The following FBXO24 variants were observed in gnomAD, a reference collection of about 807,000 sequenced individuals.
FBXO24 encodes F-box protein 24.
Under a neutral mutation model 63.5 loss-of-function variants are expected in FBXO24, and 30 were observed. The observed-to-expected ratio is 0.47, with a 90% CI of 0.35 to 0.64. FBXO24 has a LOEUF of 0.64. Ranked by LOEUF, FBXO24 falls within the 30% of genes least tolerant of loss-of-function variation. The pLI, the probability that FBXO24 is intolerant of heterozygous loss-of-function variation, is 0.00. For missense variants in FBXO24, 624 were observed against 763.4 expected (o/e 0.82, Z 2.15); for synonymous variants, 300 against 305.0 (o/e 0.98, Z 0.17).
rs190711697 is a variant in FBXO24 at position 100,586,412 on chromosome 7, G to A, written c.-214G>A. On this transcript the variant is annotated 5_prime_UTR_variant, in exon 1 of 10. Coordinates refer to ENST00000241071, the MANE Select transcript of FBXO24 (RefSeq NM_033506.3). Reference sequence around the variant, plus strand: ...CACAATGCTCAGATCGGGAGGTGGAGCCAATCAGGTCCAACCAAGAGGAGG... The same window carrying A: ...CACAATGCTCAGATCGGGAGGTGGAACCAATCAGGTCCAACCAAGAGGAGG... 2.2e-5 allele frequency: 14 copies of A among 639,172 alleles called. No individual in the cohort carries two copies. The highest frequency in any genetic ancestry group is 5.5e-5 in the East Asian group (2 of 36,662). The allele number at this position is 639,172 out of a possible 1,614,324, so 39.6% of individuals were successfully genotyped here.
chr7:100,589,012 T>A (rs954924762), intron 1 of FBXO24, among the ~76,000 whole-genome samples: 3 of 151,206 alleles, frequency 2.0e-5, no homozygotes, highest in African/African-American at 7.4e-5. Context: ...TTTTTTTTTT[T>A]AATAGACGCA....
Position 100,586,549 on chromosome 7 carries a change from C to T in FBXO24, c.-77C>T. ...AAGCCAGATACAGGCGAGTGACTGT[C>T]AAGAAGGCCAATTAGAGCCTCCGAA... On this transcript the variant is annotated 5_prime_UTR_variant, in exon 1 of 10. Transcript: ENST00000241071. 5 of 1,489,728 alleles carry T rather than the reference C, an allele frequency of 3.4e-6. No homozygotes were observed. Among genetic ancestry groups the T allele is most frequent in the Non-Finnish European group, 4.7e-6 (5 of 1,068,752 alleles). 92.3% of individuals were successfully genotyped at this position (1,489,728 alleles called of 1,614,324 possible). A position where few individuals can be genotyped will look rare whatever the true frequency, so the allele number is the denominator to read the frequency against.
Position 100,599,372 on chromosome 7 carries a change from G to GAGACC in FBXO24, c.1207-656_1207-652dup, listed in dbSNP as rs1242982740. ...GCAGATCACCTGAGGTCAGGAGTTC[G>GAGACC]AGACCAGCCTGGTCAACATGGCAAA... On this transcript the variant is annotated intron_variant, in intron 8 of 9. Transcript: ENST00000241071. Among the ~76,000 whole-genome samples, 5 of 152,138 alleles carry GAGACC rather than the reference G, an allele frequency of 3.3e-5. No individual in the cohort carries two copies. The East Asian group carries it at 9.7e-4, about 29-fold the overall frequency.
intron 1 of FBXO24, among the ~76,000 whole-genome samples, chr7:100,588,311 C>T (rs1263261185): frequency 6.6e-6 from 1 of 152,224 alleles, no homozygotes; most frequent in Admixed American, 6.5e-5. Context: ...TTCTAAGTGG[C>T]ATGAGTCCCT....
chr7:100,600,690 C>A lies in FBXO24; in HGVS notation c.1534C>A (p.Pro512Thr). The A allele has an allele frequency of 3.1e-6, 5 of 1,614,140 alleles. No individual in the cohort carries two copies. The highest frequency in any genetic ancestry group is 4.2e-6 in the Non-Finnish European group (5 of 1,179,994). The change falls in exon 10 of 10, where the codon CCC becomes ACC. Residue 512 changes from proline to threonine, a missense_variant. Around this residue, in one of 3 missense-constraint regions of FBXO24, gnomAD observed 216 missense variants for 245.2 expected, o/e 0.88. Coordinates refer to ENST00000241071, the MANE Select transcript of FBXO24 (RefSeq NM_033506.3). This position sits in a 1 kb window ranked among gnomAD's most constrained non-coding sequence, Gnocchi z 6.3. Reference protein sequence around the residue: ...PSLGARAPQDPGGMAQACEEY... With the variant: ...PSLGARAPQDTGGMAQACEEY... ...CCTGGGGGCCAGAGCACCCCAGGACCCCGGGGGGATGGCCCAGGCCTGCGA... is the reference window on the plus strand; with the variant it reads ...CCTGGGGGCCAGAGCACCCCAGGACACCGGGGGGATGGCCCAGGCCTGCGA...
intron 8 of FBXO24, among the ~76,000 whole-genome samples, chr7:100,598,084 A>G (rs1257587585): frequency 6.6e-6 from 1 of 151,900 alleles, no homozygotes; most frequent in Admixed American, 6.6e-5. Flanking sequence ...GACATCTGTA[A>G]TCCCAACTAC....
intron 1 of FBXO24, chr7:100,589,515 T>G: frequency 2.2e-6 from 3 of 1,353,112 alleles, no homozygotes; most frequent in Non-Finnish European, 1.9e-6. Flanking sequence ...TGGGCAAGAT[T>G]AAAGGGAACA....
Position 100,586,461 on chromosome 7 carries a change from GA to G in FBXO24, c.-161del. On this transcript the variant is annotated 5_prime_UTR_variant, in exon 1 of 10. An upstream open reading frame in the 5' UTR loses its in-frame stop. Coordinates refer to ENST00000241071, the MANE Select transcript of FBXO24 (RefSeq NM_033506.3). ...GGGGACACCGGCACTCCACTAGCAG[GA>G]AAACGGGCCGAGGGACCGCAAGCAG... 2 of 733,148 alleles carry G rather than the reference GA, an allele frequency of 2.7e-6. No individual in the cohort carries two copies. The highest frequency in any genetic ancestry group is 4.7e-6 in the Non-Finnish European group (2 of 427,866). The allele number at this position is 733,148 out of a possible 1,614,324, so 45.4% of individuals were successfully genotyped here.
Position 100,595,568 on chromosome 7 carries a change from A to C in FBXO24, c.1075-7A>C. The C allele has an allele frequency of 6.3e-7, 1 of 1,585,594 alleles. No individual in the cohort carries two copies. Among genetic ancestry groups the C allele is most frequent in the Non-Finnish European group, 8.6e-7 (1 of 1,162,830 alleles). ...AATCCCTATCCCCTTTCTATCTTGC[A>C]CGCTAGATCCTATTCTGTGCTCTTG... On this transcript the variant is annotated splice_region_variant and splice_polypyrimidine_tract_variant and intron_variant, in intron 7 of 9. Coordinates refer to ENST00000241071, the MANE Select transcript of FBXO24 (RefSeq NM_033506.3).
chr7:100,587,213 T>C (rs1801800768), intron 1 of FBXO24, among the ~76,000 whole-genome samples: 1 of 152,174 alleles, frequency 6.6e-6, no homozygotes, highest in Non-Finnish European at 1.5e-5. Context: ...CGCACAGCCC[T>C]TTCCCGCTCC....
intron 3 of FBXO24, among the ~76,000 whole-genome samples, chr7:100,591,045 T>TG (rs1207695252): frequency 6.9e-6 from 1 of 144,750 alleles, no homozygotes; most frequent in Non-Finnish European, 1.5e-5. Context: ...TTTTTTTTTT[T>TG]TTTTTTTTTT....
chr7:100,598,451 A>G (rs1208126106), intron 8 of FBXO24, among the ~76,000 whole-genome samples: 3 of 152,292 alleles, frequency 2.0e-5, no homozygotes, highest in East Asian at 1.9e-4. Flanking sequence ...TGAGAGGCCA[A>G]GTGCCTCTAG....
intron 8 of FBXO24, among the ~76,000 whole-genome samples, chr7:100,596,739 G>A (rs1374018069): frequency 1.3e-5 from 2 of 152,074 alleles, no homozygotes; most frequent in Non-Finnish European, 2.9e-5. Flanking sequence ...GTAGAAGAGA[G>A]GGGTATAAGA....
intron 1 of FBXO24, 179 bp from the exon 2 acceptor site, chr7:100,589,798 G>C: frequency 6.6e-7 from 1 of 1,523,574 alleles, no homozygotes; most frequent in South Asian, 1.2e-5. Context: ...CTCCGGGTGA[G>C]GGGGATTGGC....
In FBXO24 at chr7:100,591,722, G is replaced by A. The variant is rs1469689648; in HGVS notation, c.378G>A (p.Lys126=). ...AFGGRRRCLS[K]SVAPLLAHGY... Reference sequence around the variant, plus strand: ...GAGGCCGCCGCCGATGTCTCAGCAAGAGCGTGGCCCCCTTGCTAGCCCACG... The same window carrying A: ...GAGGCCGCCGCCGATGTCTCAGCAAAAGCGTGGCCCCCTTGCTAGCCCACG... Residue 126 remains lysine, a synonymous_variant, in exon 4 of 10, where the codon AAG becomes AAA. Coordinates refer to ENST00000241071, the MANE Select transcript of FBXO24 (RefSeq NM_033506.3). 6.2e-7 allele frequency: 1 copy of A among 1,614,250 alleles called. No individual in the cohort carries two copies. Among genetic ancestry groups the A allele is most frequent in the Non-Finnish European group, 8.5e-7 (1 of 1,180,046 alleles).
rs1236194155 is a variant in FBXO24, at chr7:100,595,177, AC to A, written c.1033del (p.Leu345TrpfsTer45). The A allele has an allele frequency of 6.2e-7, 1 of 1,613,432 alleles. No individual in the cohort carries two copies. Reference sequence around the variant, plus strand: ...CTCTTTGGGACCCTTCAAGCCTTTGACCCCCTGGACCAGCAGATGCCGCTTG... The same window carrying A: ...CTCTTTGGGACCCTTCAAGCCTTTGACCCCTGGACCAGCAGATGCCGCTTG... Reference protein sequence around the residue: ...RDLFGTLQAFDPLDQQMPLAL... With the variant: ...RDLFGTLQAFXPLDQQMPLAL... On this transcript the variant is annotated frameshift_variant, in exon 7 of 10. Transcript: ENST00000241071. LOFTEE classifies it high-confidence loss of function.
chr7:100,599,805 G>A, intron 8 of FBXO24: 1 of 544,656 alleles, frequency 1.8e-6, no homozygotes, highest in East Asian at 3.3e-5. Context: ...CTGATTTTCT[G>A]GGGGCATAGA....
rs1802516776 is a variant in FBXO24 at position 100,600,123 on chromosome 7, G to C, written c.1299G>C (p.Leu433=). The change falls in exon 9 of 10, where the codon CTG becomes CTC. Residue 433 remains leucine, a synonymous_variant. Coordinates refer to ENST00000241071, the MANE Select transcript of FBXO24 (RefSeq NM_033506.3). The surrounding 1 kb of genome is among the most constrained non-coding windows in gnomAD (Gnocchi z 6.3). ...SQSSEFSKEL[L]GCGCGAGGRL... ...GCTCAGAGTTCAGCAAGGAGCTGCT[G>C]GGCTGCGGCTGTGGGGCTGGGGGCC... is the stretch of plus-strand genomic sequence containing the variant. 6.2e-7 allele frequency: 1 copy of C among 1,604,530 alleles called. No individual in the cohort carries two copies. Among genetic ancestry groups the C allele is most frequent in the Non-Finnish European group, 8.5e-7 (1 of 1,176,532 alleles).
At position 100,597,893 on chromosome 7, in the gene FBXO24, GT is replaced by G. The variant is rs556578958; in HGVS notation, c.1207-2124del. Among the ~76,000 whole-genome samples, 166 of 134,780 alleles carry G rather than the reference GT, an allele frequency of 1.2e-3. 1 individual carries two copies. The highest frequency in any genetic ancestry group is 2.8e-3 in the Admixed American group (37 of 13,310). 88.4% of individuals were successfully genotyped at this position (134,780 alleles called of 152,430 possible). A position where few individuals can be genotyped will look rare whatever the true frequency, so the allele number is the denominator to read the frequency against. On this transcript the variant is annotated intron_variant, in intron 8 of 9. Coordinates refer to ENST00000241071, the MANE Select transcript of FBXO24 (RefSeq NM_033506.3). Reference sequence around the variant, plus strand: ...AGTTTTTGTTTTTTTTGTTTTTTTTGTTTTTTTTTTTTTTAGAGACAGGGTC... The same window carrying G: ...AGTTTTTGTTTTTTTTGTTTTTTTTGTTTTTTTTTTTTTAGAGACAGGGTC...
Sources: allele counts gnomAD v4.1 joint callset (sites outside exome capture counted in the v4.1 genomes callset), GRCh38; gene constraint gnomAD v4.1.1; regional missense constraint gnomAD v4.1.1; non-coding constraint Gnocchi (gnomAD v3.1); transcripts MANE v1.5; gene names NCBI Gene and HGNC (gene_info 2026-07-23, HGNC 2026-07-21).